NXPH1: variants seen among roughly 807,000 people sequenced by gnomAD.
The protein encoded by NXPH1 is neurexophilin-1.
NXPH1 carries 5 observed loss-of-function variants against 23.7 expected under a neutral mutation model. That is an observed-to-expected ratio of 0.21 (90% CI 0.11 to 0.44). The LOEUF is 0.44. Among genes scored for constraint, NXPH1 ranks in the 20% least tolerant of loss-of-function variants. The pLI, the probability that NXPH1 is intolerant of heterozygous loss-of-function variation, is 0.99. For missense variants in NXPH1, 324 were observed against 321.6 expected (o/e 1.01, Z -0.06); for synonymous variants, 144 against 122.2 (o/e 1.18, Z -1.18).
chr7:8,648,318 C>A (rs5016806), intron 2 of NXPH1, among the ~76,000 whole-genome samples: 106,799 of 151,954 alleles, frequency 0.7, 38,363 homozygotes, highest in East Asian at 1. Context: ...CCCCCCACTA[C>A]CTTTCCCAGC....
At position 8,574,329 on chromosome 7, in the gene NXPH1, G is replaced by A. The variant is rs368507172; in HGVS notation, c.54+138562G>A. Among the ~76,000 whole-genome samples, 5 of 152,042 alleles carry A rather than the reference G, an allele frequency of 3.3e-5. No homozygotes were observed. In the East Asian group the frequency reaches 9.7e-4, roughly 29 times the overall value. On this transcript the variant is annotated intron_variant, in intron 2 of 2. Coordinates refer to ENST00000405863, the MANE Select transcript of NXPH1 (RefSeq NM_152745.3). The stretch of plus-strand genomic sequence containing the variant: ...GGGTCTTTCTATGTTGCCCAGGCTT[G>A]TCTCCAGCTCCTGGGCTCCAGCGAT...
chr7:8,500,259 A>G (rs1455397764), intron 2 of NXPH1, among the ~76,000 whole-genome samples: 1 of 152,068 alleles, frequency 6.6e-6, no homozygotes, highest in Non-Finnish European at 1.5e-5. Context: ...AGCATCAATT[A>G]CCTTTTGTCT....
At chr7:8,487,820 C>A (rs779615901) in intron 2 of NXPH1, among the ~76,000 whole-genome samples, 3 of 152,142 alleles carry the variant, frequency 2.0e-5, no homozygotes, top group Non-Finnish European at 4.4e-5. Context: ...GAAGGGCTCA[C>A]AGTTTAATAT....
chr7:8,536,586 G>T (rs1284783539), intron 2 of NXPH1, among the ~76,000 whole-genome samples: 2 of 145,660 alleles, frequency 1.4e-5, no homozygotes, highest in Admixed American at 7.0e-5. Flanking sequence ...CAGAAAGGAG[G>T]CTATTGTGAC....
intron 2 of NXPH1, among the ~76,000 whole-genome samples, chr7:8,506,175 T>C (rs957825753): frequency 6.6e-6 from 1 of 152,138 alleles, no homozygotes; most frequent in African/African-American, 2.4e-5. Flanking sequence ...CAATTCAATA[T>C]TTCTAATACA....
intron 2 of NXPH1, among the ~76,000 whole-genome samples, chr7:8,511,917 C>T (rs545982651): frequency 1.1e-4 from 17 of 152,210 alleles, no homozygotes; most frequent in Admixed American, 9.2e-4. Flanking sequence ...AAGTAGCCAC[C>T]GGGAGGTTCT....
intron 2 of NXPH1, among the ~76,000 whole-genome samples, chr7:8,588,970 T>C (rs1338419062): frequency 2.0e-5 from 3 of 152,158 alleles, no homozygotes; most frequent in East Asian, 1.9e-4. Context: ...TAGCACTATA[T>C]GGAAATAGAA....
At chr7:8,448,251 G>A (rs1816439628) in intron 2 of NXPH1, among the ~76,000 whole-genome samples, 1 of 152,170 alleles carries the variant, frequency 6.6e-6, no homozygotes, top group Admixed American at 6.5e-5. Context: ...GTATTCTAAA[G>A]AGCTTAGAAA....
chr7:8,727,023 T>G (rs371919092), intron 2 of NXPH1, among the ~76,000 whole-genome samples: 1 of 146,388 alleles, frequency 6.8e-6, no homozygotes, highest in African/African-American at 2.6e-5. Flanking sequence ...TTAATGATTG[T>G]CATTCTAACT....
chr7:8,525,430 T>A (rs1489851089), intron 2 of NXPH1, among the ~76,000 whole-genome samples: 1 of 152,224 alleles, frequency 6.6e-6, no homozygotes, highest in East Asian at 1.9e-4. Context: ...AAACCCATTT[T>A]ATGAGGAGAA....
At chr7:8,610,421 C>T (rs760251226) in intron 2 of NXPH1, among the ~76,000 whole-genome samples, 8 of 152,108 alleles carry the variant, frequency 5.3e-5, no homozygotes, top group Non-Finnish European at 8.8e-5. Flanking sequence ...TATCACAGGA[C>T]GTGTTAGAGG....
intron 2 of NXPH1, among the ~76,000 whole-genome samples, chr7:8,561,919 T>G (rs1818452730): frequency 6.6e-6 from 1 of 151,722 alleles, no homozygotes; most frequent in African/African-American, 2.4e-5. Flanking sequence ...TTGTATATAT[T>G]TAACAACATG....
chr7:8,663,481 C>T (rs1298480174), intron 2 of NXPH1, among the ~76,000 whole-genome samples: 2 of 152,044 alleles, frequency 1.3e-5, no homozygotes, highest in African/African-American at 4.8e-5. Context: ...GCGGCATTTT[C>T]ATCTAAAATT....
At chr7:8,522,746 A>G (rs1817793413) in intron 2 of NXPH1, among the ~76,000 whole-genome samples, 1 of 152,202 alleles carries the variant, frequency 6.6e-6, no homozygotes, top group African/African-American at 2.4e-5. Flanking sequence ...CATAAATGCC[A>G]AAGCTGGATT....
chr7:8,443,020 G>C (rs2128604381), intron 2 of NXPH1, among the ~76,000 whole-genome samples: 1 of 152,370 alleles, frequency 6.6e-6, no homozygotes. Flanking sequence ...CCTGGTGCCA[G>C]CAGTAGGGCC....
At chr7:8,691,056 G>A (rs914458643) in intron 2 of NXPH1, among the ~76,000 whole-genome samples, 1 of 152,136 alleles carries the variant, frequency 6.6e-6, no homozygotes, top group African/African-American at 2.4e-5. Flanking sequence ...GGTGACATAT[G>A]GCTCTCTCAG....
chr7:8,557,056 T>C (rs1346500301), intron 2 of NXPH1, among the ~76,000 whole-genome samples: 2 of 151,740 alleles, frequency 1.3e-5, no homozygotes, highest in Admixed American at 1.3e-4. Context: ...TCCTGTTTCC[T>C]AGTCGATGAC....
At chr7:8,535,862 C>A (rs1260974894) in intron 2 of NXPH1, among the ~76,000 whole-genome samples, 1 of 151,956 alleles carries the variant, frequency 6.6e-6, no homozygotes, top group East Asian at 1.9e-4. Context: ...GGTGGCAGAA[C>A]CATGCCATGT....
chr7:8,515,290 G>A (rs1031881585), intron 2 of NXPH1, among the ~76,000 whole-genome samples: 3 of 152,072 alleles, frequency 2.0e-5, no homozygotes, highest in African/African-American at 7.2e-5. Context: ...ATGTCCACCA[G>A]TCTGTGTGAT....
Sources: allele counts gnomAD v4.1 joint callset (sites outside exome capture counted in the v4.1 genomes callset), GRCh38; gene constraint gnomAD v4.1.1; transcripts MANE v1.5; gene names NCBI Gene and HGNC (gene_info 2026-07-23, HGNC 2026-07-21).